The following SPATA6 variants were observed in gnomAD, a reference collection of about 807,000 sequenced individuals.
The protein encoded by SPATA6 is spermatogenesis-associated protein 6.
A neutral mutation model predicts 65.3 loss-of-function variants in SPATA6; 56 were observed. That is an observed-to-expected ratio of 0.86 (90% CI 0.69 to 1.07). The LOEUF is 1.07. Among genes scored for constraint, SPATA6 ranks in the 50% least tolerant of loss-of-function variants. SPATA6 has a pLI of 0.00. For missense variants in SPATA6, 590 were observed against 594.8 expected (o/e 0.99, Z 0.08); for synonymous variants, 199 against 213.2 (o/e 0.93, Z 0.58).
chr1:48,350,579 C>G (rs745964708), intron 11 of SPATA6, among the ~76,000 whole-genome samples: 1 of 151,752 alleles, frequency 6.6e-6, no homozygotes, highest in African/African-American at 2.4e-5. Flanking sequence ...TTGAATTACA[C>G]GCCAAGGGGC....
chr1:48,404,244 CAT>C (rs1208414056), intron 5 of SPATA6, among the ~76,000 whole-genome samples: 3 of 151,668 alleles, frequency 2.0e-5, no homozygotes, highest in African/African-American at 7.3e-5. Context: ...CAACTTACGA[CAT>C]ATTTAACCAT....
At chr1:48,410,250 C>G (rs1011552443) in intron 5 of SPATA6, among the ~76,000 whole-genome samples, 1 of 152,208 alleles carries the variant, frequency 6.6e-6, no homozygotes, top group African/African-American at 2.4e-5. Flanking sequence ...CTGCCACTCT[C>G]TTTGCTAAAG....
chr1:48,428,874 T>A (rs1337501993), intron 3 of SPATA6, among the ~76,000 whole-genome samples: 2 of 69,532 alleles, frequency 2.9e-5, no homozygotes, highest in Non-Finnish European at 4.4e-5. Flanking sequence ...TATACACGTG[T>A]GTGTGTGTGT....
intron 9 of SPATA6, among the ~76,000 whole-genome samples, chr1:48,362,722 T>A (rs939970445): frequency 1.3e-5 from 2 of 151,488 alleles, no homozygotes; most frequent in African/African-American, 4.9e-5. Context: ...ACTGAGGAGG[T>A]AGAATCGAAA....
At chr1:48,332,763 C>T (rs1276222665) in intron 11 of SPATA6, among the ~76,000 whole-genome samples, 1 of 152,306 alleles carries the variant, frequency 6.6e-6, no homozygotes, top group East Asian at 1.9e-4. Flanking sequence ...CCCAAAGCAA[C>T]AGAATATACA....
intron 11 of SPATA6, 109 bp from the exon 12 acceptor site, chr1:48,305,987 T>G: frequency 1.3e-6 from 1 of 759,396 alleles, no homozygotes; most frequent in Non-Finnish European, 2.1e-6. Context: ...TTTTAATTCA[T>G]AAGAAAGGGA....
intron 9 of SPATA6, among the ~76,000 whole-genome samples, chr1:48,360,880 T>C (rs1017262188): frequency 1.2e-4 from 18 of 152,252 alleles, no homozygotes; most frequent in African/African-American, 4.3e-4. Context: ...AGGTCACAAC[T>C]GGTCTCGATG....
chr1:48,343,088 A>G (rs185485392), intron 11 of SPATA6, among the ~76,000 whole-genome samples: 1 of 152,268 alleles, frequency 6.6e-6, no homozygotes, highest in Admixed American at 6.5e-5. Context: ...TCACTCAAAA[A>G]TATCAGTGGT....
the SPATA6 span, among the ~76,000 whole-genome samples, chr1:48,264,028 T>C: frequency 6.6e-6 from 1 of 152,130 alleles, no homozygotes; most frequent in African/African-American, 2.4e-5. Context: ...TAAGTCTTGC[T>C]ATGTTGCCCA....
At chr1:48,392,375 A>G (rs971270019) in intron 8 of SPATA6, among the ~76,000 whole-genome samples, 1 of 152,170 alleles carries the variant, frequency 6.6e-6, no homozygotes, top group Non-Finnish European at 1.5e-5. Flanking sequence ...CAAATATGCA[A>G]ATAACTAGAT....
chr1:48,267,901 G>A, the SPATA6 span, among the ~76,000 whole-genome samples: 10 of 151,466 alleles, frequency 6.6e-5, no homozygotes, highest in East Asian at 1.9e-4. Flanking sequence ...ACAGGTGCCC[G>A]CCACCACGCT....
At chr1:48,419,508 G>A (rs1653118125) in intron 3 of SPATA6, among the ~76,000 whole-genome samples, 1 of 152,134 alleles carries the variant, frequency 6.6e-6, no homozygotes, top group Admixed American at 6.5e-5. Context: ...CTAAGGAAAT[G>A]GGGCTTACGG....
At position 48,421,803 on chromosome 1, in the gene SPATA6, A is replaced by C. The variant is rs1460536517; in HGVS notation, c.239-8652T>G. Among the ~76,000 whole-genome samples the C allele has an allele frequency of 1.9e-4, 29 of 152,134 alleles. 2 individuals carry two copies. Among genetic ancestry groups the C allele is most frequent in the Admixed American group, 1.9e-3 (29 of 15,252 alleles). ...AATATACACATACACACAGTCCCCAAAACATTAGTAGTAACAAGCTGGAAG... is the reference window on the plus strand; with the variant it reads ...AATATACACATACACACAGTCCCCACAACATTAGTAGTAACAAGCTGGAAG... On this transcript the variant is annotated intron_variant, in intron 3 of 12. Coordinates refer to ENST00000371847, the MANE Select transcript of SPATA6 (RefSeq NM_019073.4).
intron 11 of SPATA6, among the ~76,000 whole-genome samples, chr1:48,346,413 CACAAG>C (rs569988571): frequency 1.3e-5 from 2 of 152,010 alleles, no homozygotes; most frequent in Admixed American, 6.6e-5. Context: ...TTGAAAACAG[CACAAG>C]ACAAGATGAC....
At chr1:48,439,039 T>C (rs1236791213) in intron 3 of SPATA6, among the ~76,000 whole-genome samples, 1 of 152,168 alleles carries the variant, frequency 6.6e-6, no homozygotes, top group African/African-American at 2.4e-5. Flanking sequence ...CTTCCAACCC[T>C]GGAGATCCCT....
downstream of SPATA6, among the ~76,000 whole-genome samples, chr1:48,291,355 G>A (rs914182164): frequency 3.9e-5 from 6 of 152,274 alleles, no homozygotes; most frequent in East Asian, 9.7e-4. Flanking sequence ...CATCAGGTGT[G>A]GGCAGGGTTA....
rs1656721527 is a variant in SPATA6, at chr1:48,453,076, C to T, written c.107G>A (p.Cys36Tyr). The T allele has an allele frequency of 3.1e-6, 5 of 1,614,006 alleles. No homozygotes were observed. Among genetic ancestry groups the T allele is most frequent in the Non-Finnish European group, 3.4e-6 (4 of 1,179,960 alleles). ...KDKEDIYLSI[C>Y]VFGQYKKTQC... ...TGTCTTTTTGTATTGGCCAAACACA[C>T]AGATGCTAAGATAGATGTCCTCTTT... is the stretch of plus-strand genomic sequence containing the variant. The change falls in exon 2 of 13, where the codon TGT becomes TAT. Residue 36 changes from cysteine to tyrosine, a missense_variant. By Grantham distance (194) the Cys-to-Tyr change is radical (BLOSUM62 -2). Transcript: ENST00000371847.
At chr1:48,351,146 A>C (rs1241090398) in intron 11 of SPATA6, among the ~76,000 whole-genome samples, 1 of 151,912 alleles carries the variant, frequency 6.6e-6, no homozygotes, top group East Asian at 1.9e-4. Context: ...ATAACTTAAA[A>C]TTTCAATTGC....
chr1:48,319,375 T>C (rs1645532848), intron 11 of SPATA6, among the ~76,000 whole-genome samples: 1 of 152,100 alleles, frequency 6.6e-6, no homozygotes, highest in Non-Finnish European at 1.5e-5. Context: ...AGATGGGACT[T>C]GTACTCAGAA....
Sources: allele counts gnomAD v4.1 joint callset (sites outside exome capture counted in the v4.1 genomes callset), GRCh38; gene constraint gnomAD v4.1.1; transcripts MANE v1.5; gene names NCBI Gene and HGNC (gene_info 2026-07-23, HGNC 2026-07-21).